PAX3: variants seen among roughly 807,000 people sequenced by gnomAD.
The protein encoded by PAX3 is paired box protein Pax-3.
A neutral mutation model predicts 51.6 loss-of-function variants in PAX3; 14 were observed. The ratio of observed to expected loss-of-function variants is 0.27; its 90% CI spans 0.18 to 0.42. The LOEUF is 0.42. Ranked by LOEUF, PAX3 falls within the 10% of genes least tolerant of loss-of-function variation. The pLI, the probability that PAX3 is intolerant of heterozygous loss-of-function variation, is 1.00. For synonymous variants in PAX3, 280 were observed against 253.4 expected, an observed-to-expected ratio of 1.11 and a Z score of -1.00; for missense variants, 540 against 642.8, an observed-to-expected ratio of 0.84 and a Z score of 1.73.
chr2:222,222,877 C>G (rs1430031815), intron 5 of PAX3, among the ~76,000 whole-genome samples: 1 of 152,164 alleles, frequency 6.6e-6, no homozygotes, highest in Non-Finnish European at 1.5e-5. Context: ...ATCAGGAAAA[C>G]TCTAAAGTGG....
At chr2:222,233,466 G>A (rs187873258) in intron 4 of PAX3, among the ~76,000 whole-genome samples, 21 of 152,272 alleles carry the variant, frequency 1.4e-4, no homozygotes, top group African/African-American at 3.9e-4. Flanking sequence ...CCATTTCCAG[G>A]CCAGAATTTG....
In PAX3 at chr2:222,260,561, T is replaced by G. The variant is rs796901088; in HGVS notation, c.587-28278A>C. Among the ~76,000 whole-genome samples, 9 of 64,044 alleles carry G rather than the reference T, an allele frequency of 1.4e-4. 1 individual carries two copies. The highest frequency in any genetic ancestry group is 8.4e-4 in the South Asian group (1 of 1,194). 42.0% of individuals were successfully genotyped at this position (64,044 alleles called of 152,430 possible). ...ATTTCAAGCAACACAAGTTTTTTTTTTTTGTTTTTTTTTTTTGTTTTTTTT... is the reference window on the plus strand; with the variant it reads ...ATTTCAAGCAACACAAGTTTTTTTTGTTTGTTTTTTTTTTTTGTTTTTTTT... On this transcript the variant is annotated intron_variant, in intron 4 of 8. Coordinates refer to ENST00000392070, the MANE Select transcript of PAX3 (RefSeq NM_181458.4).
chr2:222,202,137 A>G lies in PAX3; in HGVS notation c.1227T>C (p.Asp409=). The G allele has an allele frequency of 1.2e-6, 2 of 1,612,272 alleles. No individual in the cohort carries two copies. Among genetic ancestry groups the G allele is most frequent in the Non-Finnish European group, 1.7e-6 (2 of 1,179,150 alleles). ...CCCCGGTGAGAGGGGAGAGCGCGTA[A>G]TCAGTCTGGGGCTGATGAGGTACCC... The part of the protein sequence containing the change: ...HGGVPHQPQT[D]YALSPLTGGL... The change falls in exon 8 of 9, where the codon GAT becomes GAC. Residue 409 remains aspartate (D), a synonymous_variant. Coordinates refer to ENST00000392070, the MANE Select transcript of PAX3 (RefSeq NM_181458.4).
At chr2:222,235,057 T>G (rs1407690978) in intron 4 of PAX3, among the ~76,000 whole-genome samples, 1 of 152,212 alleles carries the variant, frequency 6.6e-6, no homozygotes, top group Non-Finnish European at 1.5e-5. Flanking sequence ...TTTTCATGTT[T>G]CCTTTGGGAG....
chr2:222,250,164 T>C (rs1693373122), intron 4 of PAX3, among the ~76,000 whole-genome samples: 1 of 152,176 alleles, frequency 6.6e-6, no homozygotes, highest in Non-Finnish European at 1.5e-5. Flanking sequence ...GTTTCCTCCA[T>C]GTGCATGTCT....
intron 4 of PAX3, among the ~76,000 whole-genome samples, chr2:222,251,797 C>A (rs1299783948): frequency 6.6e-6 from 1 of 152,154 alleles, no homozygotes; most frequent in Non-Finnish European, 1.5e-5. Context: ...TTAATGATCA[C>A]CACTCTAACT....
intron 7 of PAX3, among the ~76,000 whole-genome samples, chr2:222,208,300 T>C (rs542315684): frequency 7.5e-6 from 1 of 133,206 alleles, no homozygotes; most frequent in Non-Finnish European, 1.8e-5. Context: ...CTATAGCAAA[T>C]ATTTTTTTTT....
chr2:222,280,410 G>GA lies in PAX3; in HGVS notation c.586+13756dup, dbSNP rs745529133. Among the ~76,000 whole-genome samples the GA allele has an allele frequency of 2.2e-3, 270 of 125,516 alleles. 3 individuals are homozygous for GA. The highest frequency in any genetic ancestry group is 2.9e-3 in the Non-Finnish European group (160 of 55,126). 82.3% of individuals were successfully genotyped at this position (125,516 alleles called of 152,430 possible). On this transcript the variant is annotated intron_variant, in intron 4 of 8. Coordinates refer to ENST00000392070, the MANE Select transcript of PAX3 (RefSeq NM_181458.4). Reference sequence around the variant, plus strand: ...AAGGAAGGAAAAAGAAAGAAAGAAAGAAAAAAGAAAGAAAGAAAGGAAGGA... The same window carrying GA: ...AAGGAAGGAAAAAGAAAGAAAGAAAGAAAAAAAGAAAGAAAGAAAGGAAGGA...
chr2:222,294,603 C>A (rs1220240812), intron 3 of PAX3, among the ~76,000 whole-genome samples: 1 of 151,998 alleles, frequency 6.6e-6, no homozygotes, highest in Non-Finnish European at 1.5e-5. Context: ...GGGCAGGAAG[C>A]ATTTCCCTTC....
intron 4 of PAX3, among the ~76,000 whole-genome samples, chr2:222,253,693 C>G (rs1235122891): frequency 6.6e-6 from 1 of 151,748 alleles, no homozygotes; most frequent in Non-Finnish European, 1.5e-5. Flanking sequence ...GCCTGTTGCC[C>G]AGTCTGGAGT....
intron 4 of PAX3, among the ~76,000 whole-genome samples, chr2:222,269,281 C>T (rs1317642880): frequency 6.6e-6 from 1 of 152,194 alleles, no homozygotes; most frequent in African/African-American, 2.4e-5. Context: ...GTTGAATGCG[C>T]ACAGTCCATC....
intron 4 of PAX3, among the ~76,000 whole-genome samples, chr2:222,256,526 C>T (rs1210956352): frequency 6.6e-6 from 1 of 152,088 alleles, no homozygotes; most frequent in Admixed American, 6.5e-5. Flanking sequence ...CCCTAACCTC[C>T]TCCAAGTCCC....
intron 4 of PAX3, among the ~76,000 whole-genome samples, chr2:222,282,603 T>G (rs1694685641): frequency 6.6e-6 from 1 of 152,206 alleles, no homozygotes; most frequent in East Asian, 1.9e-4. Context: ...AATTTTTCTT[T>G]TGTAAGTAAA....
intron 4 of PAX3, among the ~76,000 whole-genome samples, chr2:222,289,846 A>T (rs144008164): frequency 1.5e-3 from 223 of 152,342 alleles, no homozygotes; most frequent in African/African-American, 5.0e-3. Context: ...TAAATGGATG[A>T]TATTTCTTTG....
intron 4 of PAX3, among the ~76,000 whole-genome samples, chr2:222,283,428 A>T (rs1694716729): frequency 6.6e-6 from 1 of 152,194 alleles, no homozygotes. Flanking sequence ...GTGGGAGGAA[A>T]ACTAGTCACC....
At chr2:222,251,378 G>A (rs6737347) in intron 4 of PAX3, among the ~76,000 whole-genome samples, 30,383 of 151,908 alleles carry the variant, frequency 0.2, 3,607 homozygotes, top group East Asian at 0.38. Flanking sequence ...TCTTGTGATA[G>A]TTTGCTGAGA....
chr2:222,280,029 G>A (rs931106992), intron 4 of PAX3, among the ~76,000 whole-genome samples: 1 of 151,998 alleles, frequency 6.6e-6, no homozygotes, highest in African/African-American at 2.4e-5. Flanking sequence ...TGGCCAACAT[G>A]GTAAAACCCC....
chr2:222,265,646 A>AAGGAAGGAAGGAAG (rs772452636), intron 4 of PAX3, among the ~76,000 whole-genome samples: 25 of 109,182 alleles, frequency 2.3e-4, no homozygotes, highest in African/African-American at 8.5e-4. Flanking sequence ...ATCAAAAAAA[A>AAGGAAGGAAGGAAG]GAAGGAAGGA....
intron 4 of PAX3, among the ~76,000 whole-genome samples, chr2:222,241,273 A>G (rs1313209906): frequency 6.6e-6 from 1 of 152,192 alleles, no homozygotes; most frequent in African/African-American, 2.4e-5. Context: ...ATTATTGACC[A>G]TATGTGCCAC....
Sources: gnomAD v4.1 joint callset for allele counts (sites outside exome capture counted in the v4.1 genomes callset) on GRCh38, gnomAD v4.1.1 for gene constraint, MANE v1.5 for transcripts, NCBI Gene and HGNC (gene_info 2026-07-23, HGNC 2026-07-21) for gene names.